DLG2: variants seen among roughly 807,000 people sequenced by gnomAD.
The protein encoded by DLG2 is discs large MAGUK scaffold protein 2.
A neutral mutation model predicts 132.5 loss-of-function variants in DLG2; 45 were observed. The ratio of observed to expected loss-of-function variants is 0.34; its 90% CI spans 0.27 to 0.44. The LOEUF is 0.44. Among genes scored for constraint, DLG2 ranks in the 20% least tolerant of loss-of-function variants. The pLI is 1.00. For synonymous variants in DLG2, 424 were observed against 419.6 expected (o/e 1.01, Z -0.13); for missense variants, 1,045 against 1,196.9 (o/e 0.87, Z 1.87).
intron 3 of DLG2, among the ~76,000 whole-genome samples, chr11:85,550,693 C>A (rs80298107): frequency 0.036 from 5,434 of 152,304 alleles, 147 homozygotes; most frequent in Admixed American, 0.052. Flanking sequence ...CTTTTCCTAA[C>A]AAAAGTGGCA....
At chr11:85,600,234 T>G (rs1022913808) in intron 2 of DLG2, among the ~76,000 whole-genome samples, 18 of 152,214 alleles carry the variant, frequency 1.2e-4, no homozygotes, top group African/African-American at 4.3e-4. Flanking sequence ...CTGGAATATA[T>G]CCTCTCTTGC....
chr11:83,777,996 T>G (rs1594195535), intron 18 of DLG2, among the ~76,000 whole-genome samples: 1 of 152,284 alleles, frequency 6.6e-6, no homozygotes, highest in East Asian at 1.9e-4. Flanking sequence ...TCAATAAAGT[T>G]GCAGAGTGAG....
chr11:84,339,790 T>G (rs776789638), intron 7 of DLG2, among the ~76,000 whole-genome samples: 1 of 152,236 alleles, frequency 6.6e-6, no homozygotes, highest in Non-Finnish European at 1.5e-5. Context: ...TAGAGCATTG[T>G]TGCTACATGT....
chr11:85,598,734 G>C lies in DLG2; in HGVS notation c.-38C>G, dbSNP rs1317764254. On this transcript the variant is annotated 5_prime_UTR_variant, in exon 3 of 28. Transcript: ENST00000376104. ...CGCATTTTTCAACAGCTGCTCCTCT[G>C]GTTTCCTTAATTTTTTGCAGTATTC... The C allele has an allele frequency of 6.4e-7, 1 of 1,559,760 alleles. No individual in the cohort carries two copies. The highest frequency in any genetic ancestry group is 2.0e-5 in the Admixed American group (1 of 51,044).
At chr11:83,926,685 G>C (rs2079037410) in intron 15 of DLG2, among the ~76,000 whole-genome samples, 1 of 152,072 alleles carries the variant, frequency 6.6e-6, no homozygotes, top group Non-Finnish European at 1.5e-5. Flanking sequence ...GAAGATAGTA[G>C]ATTGGGTTCC....
At chr11:85,256,205 ACAGAAGAGCAGAAGAC>A (rs1324813509) in intron 4 of DLG2, among the ~76,000 whole-genome samples, 3 of 152,150 alleles carry the variant, frequency 2.0e-5, no homozygotes, top group Non-Finnish European at 4.4e-5. Context: ...AAGCAGATGA[ACAGAAGAGCAGAAGAC>A]CAGAAGAGAA....
At chr11:83,516,596 G>C (rs1489486492) in intron 21 of DLG2, among the ~76,000 whole-genome samples, 1 of 152,188 alleles carries the variant, frequency 6.6e-6, no homozygotes, top group Non-Finnish European at 1.5e-5. Context: ...TTGCTCGTTA[G>C]TTGATGCAGT....
intron 7 of DLG2, among the ~76,000 whole-genome samples, chr11:84,483,464 A>T (rs201179392): frequency 3.0e-3 from 1 of 328 alleles, no homozygotes. Context: ...AACCCTGCTT[A>T]CATTAGTCTC....
At chr11:84,899,262 AT>A (rs1175612891) in intron 6 of DLG2, among the ~76,000 whole-genome samples, 5 of 152,070 alleles carry the variant, frequency 3.3e-5, no homozygotes, top group African/African-American at 1.2e-4. Flanking sequence ...ATTACAATAG[AT>A]TTGAGGAAGG....
chr11:83,640,039 T>C (rs763049399), intron 18 of DLG2, among the ~76,000 whole-genome samples: 1 of 152,180 alleles, frequency 6.6e-6, no homozygotes, highest in South Asian at 2.1e-4. Flanking sequence ...TTCTTAGTGG[T>C]ACTAATGGTG....
chr11:83,499,710 C>T, intron 21 of DLG2, among the ~76,000 whole-genome samples: 1 of 149,788 alleles, frequency 6.7e-6, no homozygotes, highest in South Asian at 2.1e-4. Context: ...CTCCTTGCTC[C>T]TCAGCTTGCA....
chr11:83,884,476 G>A (rs541807872), intron 15 of DLG2, among the ~76,000 whole-genome samples: 1 of 152,208 alleles, frequency 6.6e-6, no homozygotes, highest in Admixed American at 6.5e-5. Context: ...CACAGCTCAA[G>A]GAGGCCTGCT....
At chr11:84,984,721 T>G (rs1338079773) in intron 6 of DLG2, among the ~76,000 whole-genome samples, 1 of 151,860 alleles carries the variant, frequency 6.6e-6, no homozygotes, top group Non-Finnish European at 1.5e-5. Flanking sequence ...TAAGAATTCA[T>G]TCTCTGCTGC....
chr11:85,389,289 C>T (rs1484616268), intron 3 of DLG2, among the ~76,000 whole-genome samples: 1 of 152,096 alleles, frequency 6.6e-6, no homozygotes, highest in Non-Finnish European at 1.5e-5. Context: ...TTCAAATTAA[C>T]CCAATCCAAC....
At chr11:84,919,643 G>C (rs1441244755) in intron 6 of DLG2, among the ~76,000 whole-genome samples, 1 of 152,106 alleles carries the variant, frequency 6.6e-6, no homozygotes, top group Non-Finnish European at 1.5e-5. Flanking sequence ...AGGGATTGTG[G>C]TTTTGTGAGT....
intron 12 of DLG2, among the ~76,000 whole-genome samples, chr11:83,977,225 G>A (rs2092346012): frequency 6.6e-6 from 1 of 151,916 alleles, no homozygotes; most frequent in African/African-American, 2.4e-5. Flanking sequence ...TTTGCAAAAA[G>A]CATAAGTCCT....
At chr11:85,172,883 A>G (rs952061989) in intron 4 of DLG2, among the ~76,000 whole-genome samples, 2 of 152,190 alleles carry the variant, frequency 1.3e-5, no homozygotes, top group Admixed American at 6.5e-5. Flanking sequence ...GAGCTTGAAG[A>G]CAATCTTTCT....
intron 15 of DLG2, 94 bp downstream of exon 15, chr11:83,930,234 T>A: frequency 5.0e-6 from 7 of 1,400,026 alleles, no homozygotes; most frequent in Non-Finnish European, 6.9e-6. Context: ...AGATGTTTAG[T>A]GCAAGAGAAG....
At chr11:84,602,471 G>A (rs1241470506) in intron 6 of DLG2, among the ~76,000 whole-genome samples, 1 of 151,166 alleles carries the variant, frequency 6.6e-6, no homozygotes, top group Non-Finnish European at 1.5e-5. Context: ...TTCTAAATAA[G>A]AAAGAGACAA....
Sources: gnomAD v4.1 joint callset for allele counts (sites outside exome capture counted in the v4.1 genomes callset) on GRCh38, gnomAD v4.1.1 for gene constraint, MANE v1.5 for transcripts, NCBI Gene and HGNC (gene_info 2026-07-23, HGNC 2026-07-21) for gene names.